The following PPP4R3B variants were observed in gnomAD, a reference collection of about 807,000 sequenced individuals.
PPP4R3B encodes protein phosphatase 4 regulatory subunit 3B, also known as serine/threonine-protein phosphatase 4 regulatory subunit 3B.
A neutral mutation model predicts 95.4 loss-of-function variants in PPP4R3B; 52 were observed. The ratio of observed to expected loss-of-function variants is 0.54; its 90% confidence interval spans 0.44 to 0.69. PPP4R3B has a LOEUF of 0.69. Among genes scored for constraint, PPP4R3B ranks in the 30% least tolerant of loss-of-function variants. The pLI, the probability that PPP4R3B is intolerant of heterozygous loss-of-function variation, is 0.00. For missense variants in PPP4R3B, 1,003 were observed against 1,005.9 expected (o/e 1.00, Z 0.04); for synonymous variants, 407 against 343.9 (o/e 1.18, Z -2.03).
intron 11 of PPP4R3B, 98 bp downstream of exon 11, chr2:55,577,216 CA>C: frequency 7.1e-7 from 1 of 1,402,640 alleles, no homozygotes. Flanking sequence ...GTTTTTATGC[CA>C]AAATATGCTT....
chr2:55,598,392 C>A (rs371137673), intron 4 of PPP4R3B, 24 bp downstream of exon 4: 1 of 1,602,660 alleles, frequency 6.2e-7, no homozygotes, highest in African/African-American at 1.3e-5. Flanking sequence ...AAAATGGAAT[C>A]GTGAAGAGTA....
In PPP4R3B at chr2:55,611,197, C is replaced by A. The variant is rs556752048; in HGVS notation, c.198+4254G>T. On this transcript the variant is annotated intron_variant, in intron 2 of 16. Coordinates refer to ENST00000616407, the MANE Select transcript of PPP4R3B (RefSeq NM_001122964.3). ...TTTTTATTAAGATATGTTGCCCAGG[C>A]TGGGGTGCAATGGCTACGCACAGGC... Among the ~76,000 whole-genome samples, 5 of 152,142 alleles carry A rather than the reference C, an allele frequency of 3.3e-5. No homozygotes were observed. The South Asian group carries it at 8.3e-4, about 25-fold the overall frequency.
intron 4 of PPP4R3B, among the ~76,000 whole-genome samples, chr2:55,594,115 A>G (rs1416679829): frequency 1.3e-5 from 2 of 152,186 alleles, no homozygotes; most frequent in African/African-American, 4.8e-5. Flanking sequence ...AAGGACATTA[A>G]GATGGAAATA....
chr2:55,569,665 G>C (rs969797115), intron 12 of PPP4R3B, among the ~76,000 whole-genome samples: 1 of 152,122 alleles, frequency 6.6e-6, no homozygotes, highest in Non-Finnish European at 1.5e-5. Flanking sequence ...CCTATCAATG[G>C]AGATGGTTCA....
At chr2:55,577,014 A>T (rs1462283394) in intron 11 of PPP4R3B, among the ~76,000 whole-genome samples, 1 of 152,252 alleles carries the variant, frequency 6.6e-6, no homozygotes, top group African/African-American at 2.4e-5. Context: ...ATTAGTTGCA[A>T]AGTAATTGGT....
At chr2:55,552,903 C>A (rs7588663) in intron 16 of PPP4R3B, among the ~76,000 whole-genome samples, 1 of 152,076 alleles carries the variant, frequency 6.6e-6, no homozygotes, top group Non-Finnish European at 1.5e-5. Context: ...GATACAGAAA[C>A]GAGAAACTGA....
In PPP4R3B at chr2:55,598,810, AAT is replaced by A. The variant is rs1294467808; in HGVS notation, c.525_526del (p.Leu176AlafsTer13). On this transcript the variant is annotated frameshift_variant, in exon 4 of 17. Coordinates refer to ENST00000616407, the MANE Select transcript of PPP4R3B (RefSeq NM_001122964.3). LOFTEE classifies it high-confidence loss of function. ...GTTCTCGCAAGCTTGGAACAGCTGC[AAT>A]AGTTTTTTAATATAGCCTTCATTTT... is the stretch of plus-strand genomic sequence containing the variant. 6.2e-7 allele frequency: 1 copy of A among 1,614,108 alleles called. No homozygotes were observed. Among genetic ancestry groups the A allele is most frequent in the Non-Finnish European group, 8.5e-7 (1 of 1,180,054 alleles).
rs189263006 is a variant in PPP4R3B, at chr2:55,599,587, G to A, written c.298-548C>T. On this transcript the variant is annotated intron_variant, in intron 3 of 16. Transcript: ENST00000616407. ...GAGAAATCAACTTTTGTTGTGACAAGCCATTGAAATTTTAGGATTGTATTA... is the reference window on the plus strand; with the variant it reads ...GAGAAATCAACTTTTGTTGTGACAAACCATTGAAATTTTAGGATTGTATTA... 2.6e-3 allele frequency among the ~76,000 whole-genome samples: 398 copies of A among 152,280 alleles called. 7 individuals carry two copies. Among genetic ancestry groups the A allele is most frequent in the Non-Finnish European group, 9.0e-4 (61 of 68,024 alleles).
Position 55,564,346 on chromosome 2 carries a change from C to G in PPP4R3B, c.2227G>C (p.Asp743His). 2 of 1,613,226 alleles carry G rather than the reference C, an allele frequency of 1.2e-6. No individual in the cohort carries two copies. The highest frequency in any genetic ancestry group is 2.2e-5 in the South Asian group (2 of 90,900). ...EKPKPEDDFP[D>H]NYEKFMETKK... ...GTCTCCATAAACTTTTCATAATTAT[C>G]TGGAAAATCATCTTCTGGCTTAGGT... is the stretch of plus-strand genomic sequence containing the variant. The change falls in exon 15 of 17, where the codon GAT becomes CAT. Residue 743 changes from aspartate to histidine, a missense_variant. Physicochemically the swap from Asp to His is moderately conservative, Grantham distance 81. Transcript: ENST00000616407.
At chr2:55,553,735 A>G (rs565247723) in intron 16 of PPP4R3B, among the ~76,000 whole-genome samples, 183 of 152,314 alleles carry the variant, frequency 1.2e-3, no homozygotes, top group African/African-American at 4.3e-3. Flanking sequence ...GTTTACTTCA[A>G]TTACCACAAT....
At chr2:55,612,767 AC>A (rs1694350344) in intron 2 of PPP4R3B, among the ~76,000 whole-genome samples, 1 of 151,898 alleles carries the variant, frequency 6.6e-6, no homozygotes, top group African/African-American at 2.4e-5. Flanking sequence ...ACACGGTGAA[AC>A]CCCATCTCTA....
chr2:55,598,339 G>A, intron 4 of PPP4R3B, 77 bp downstream of exon 4: 3 of 1,397,662 alleles, frequency 2.1e-6, no homozygotes, highest in Admixed American at 2.3e-5. Flanking sequence ...AAAATAGAGG[G>A]TATAAACACC....
chr2:55,551,037 G>A (rs990828546), intron 16 of PPP4R3B, among the ~76,000 whole-genome samples: 1 of 151,948 alleles, frequency 6.6e-6, no homozygotes, highest in Non-Finnish European at 1.5e-5. Context: ...ATGACACCAC[G>A]TTTTATGTAA....
At chr2:55,584,468 C>G (rs1017236057) in intron 7 of PPP4R3B, among the ~76,000 whole-genome samples, 2 of 152,118 alleles carry the variant, frequency 1.3e-5, no homozygotes, top group African/African-American at 4.8e-5. Flanking sequence ...ACACTGCACC[C>G]TATTTGTAGT....
chr2:55,564,990 G>A lies in PPP4R3B; in HGVS notation c.1987C>T (p.Leu663Phe). ...GTCTGAACATATTCAATCGATTCAA[G>A]TGCTTTATAAAAGTTTTCAACTATA... Reference protein sequence around the residue: ...AHIVENFYKALESIEYVQTFK... With the variant: ...AHIVENFYKAFESIEYVQTFK... Residue 663 changes from leucine to phenylalanine, a missense_variant, in exon 14 of 17, where the codon CTT becomes TTT. Leu to Phe is a conservative substitution (Grantham distance 22). This residue lies in a region of PPP4R3B where 79 missense variants were observed against 124.9 expected (regional missense o/e 0.63). Coordinates refer to ENST00000616407, the MANE Select transcript of PPP4R3B (RefSeq NM_001122964.3). The A allele has an allele frequency of 6.2e-7, 1 of 1,609,796 alleles. No individual in the cohort carries two copies. Among genetic ancestry groups the A allele is most frequent in the Non-Finnish European group, 8.5e-7 (1 of 1,178,344 alleles).
At chr2:55,574,118 C>T (rs1310307075) in intron 11 of PPP4R3B, among the ~76,000 whole-genome samples, 1 of 151,436 alleles carries the variant, frequency 6.6e-6, no homozygotes, top group Non-Finnish European at 1.5e-5. Flanking sequence ...GTCTCAAACT[C>T]CTGGACTCAA....
intron 16 of PPP4R3B, among the ~76,000 whole-genome samples, chr2:55,550,644 C>T (rs1464421959): frequency 6.6e-6 from 1 of 152,184 alleles, no homozygotes; most frequent in Non-Finnish European, 1.5e-5. Context: ...GAAAATTACA[C>T]ATCCACAGGG....
At chr2:55,572,545 A>T (rs561039644) in intron 12 of PPP4R3B, among the ~76,000 whole-genome samples, 1 of 152,204 alleles carries the variant, frequency 6.6e-6, no homozygotes, top group Non-Finnish European at 1.5e-5. Context: ...TATCAGATTG[A>T]TAACATTTTA....
At chr2:55,552,099 C>T (rs1048748175) in intron 16 of PPP4R3B, among the ~76,000 whole-genome samples, 11 of 152,132 alleles carry the variant, frequency 7.2e-5, no homozygotes, top group African/African-American at 2.7e-4. Flanking sequence ...CTCACTTATA[C>T]AATTTGAGTT....
Sources: gnomAD v4.1 joint callset for allele counts (sites outside exome capture counted in the v4.1 genomes callset) on GRCh38, gnomAD v4.1.1 for gene constraint, gnomAD v4.1.1 regional missense constraint, MANE v1.5 for transcripts, NCBI Gene and HGNC (gene_info 2026-07-23, HGNC 2026-07-21) for gene names.